The following MARCHF1 variants were observed in gnomAD, a reference collection of about 807,000 sequenced individuals.
MARCHF1 encodes the protein E3 ubiquitin-protein ligase MARCHF1.
MARCHF1 carries 40 observed loss-of-function variants against 54.2 expected under a neutral mutation model. The ratio of observed to expected loss-of-function variants is 0.74; its 90% CI spans 0.57 to 0.96. The LOEUF (loss-of-function observed/expected upper bound fraction) is 0.96, where lower values mean the gene tolerates loss of function less well. Among genes scored for constraint, MARCHF1 ranks in the 40% least tolerant of loss-of-function variants. The pLI is 0.00. For missense variants in MARCHF1, 586 were observed against 656.5 expected (o/e 0.89, Z 1.17); for synonymous variants, 236 against 236.3 (o/e 1.00, Z 0.01).
intron 5 of MARCHF1, among the ~76,000 whole-genome samples, chr4:163,679,979 GTT>G (rs11327231): frequency 0.49 from 68,250 of 139,426 alleles, 16,308 homozygotes; most frequent in Admixed American, 0.54. Context: ...CTTTTTATCT[GTT>G]TTTTTTTTTT....
intron 1 of MARCHF1, among the ~76,000 whole-genome samples, chr4:164,229,013 C>T (rs1211904410): frequency 1.3e-5 from 2 of 152,202 alleles, no homozygotes; most frequent in African/African-American, 2.4e-5. Flanking sequence ...TCTGTATTAG[C>T]GAAAATTGGA....
At chr4:163,695,504 G>A (rs557631476) in intron 5 of MARCHF1, among the ~76,000 whole-genome samples, 93 of 152,174 alleles carry the variant, frequency 6.1e-4, no homozygotes, top group African/African-American at 2.1e-3. Context: ...GATATTTTAA[G>A]GTAGAGACTA....
chr4:164,166,712 C>T (rs886311419), intron 1 of MARCHF1, among the ~76,000 whole-genome samples: 1 of 151,688 alleles, frequency 6.6e-6, no homozygotes. Context: ...AAAATTATTT[C>T]TATTTACAGA....
intron 1 of MARCHF1, among the ~76,000 whole-genome samples, chr4:164,340,366 G>A (rs909586872): frequency 2.6e-4 from 35 of 136,034 alleles, no homozygotes; most frequent in Middle Eastern, 8.0e-3. Context: ...TCAGCCCCCC[G>A]AGTAGCTGAG....
At chr4:164,140,118 G>A (rs560241724) in intron 1 of MARCHF1, among the ~76,000 whole-genome samples, 27 of 151,428 alleles carry the variant, frequency 1.8e-4, no homozygotes, top group African/African-American at 5.3e-4. Context: ...CTCTATATAC[G>A]AGGTAAAACA....
chr4:164,298,146 G>A (rs1438688515), intron 1 of MARCHF1, among the ~76,000 whole-genome samples: 1 of 152,000 alleles, frequency 6.6e-6, no homozygotes, highest in Non-Finnish European at 1.5e-5. Flanking sequence ...AAAAGCATTT[G>A]GATATTTCAG....
chr4:163,938,789 C>T (rs1251376049), intron 3 of MARCHF1, among the ~76,000 whole-genome samples: 1 of 152,058 alleles, frequency 6.6e-6, no homozygotes, highest in Non-Finnish European at 1.5e-5. Flanking sequence ...TATATTGTGG[C>T]AGCAAGGAGA....
At chr4:164,093,341 C>A (rs1335035502) in intron 2 of MARCHF1, among the ~76,000 whole-genome samples, 2 of 152,100 alleles carry the variant, frequency 1.3e-5, no homozygotes, top group Non-Finnish European at 2.9e-5. Flanking sequence ...AGATACTCTT[C>A]ATTTTTATAA....
chr4:163,749,021 C>T (rs897665088), intron 4 of MARCHF1, among the ~76,000 whole-genome samples: 6 of 151,974 alleles, frequency 3.9e-5, no homozygotes, highest in African/African-American at 9.7e-5. Context: ...TGGTAATATT[C>T]CTTTTCTTTA....
chr4:163,800,572 T>C (rs910817402), intron 4 of MARCHF1, among the ~76,000 whole-genome samples: 3 of 152,060 alleles, frequency 2.0e-5, no homozygotes, highest in African/African-American at 4.8e-5. Flanking sequence ...AGAATTCTGA[T>C]GACAATAAAA....
chr4:163,782,105 T>G (rs1348472255), intron 4 of MARCHF1, among the ~76,000 whole-genome samples: 1 of 102,748 alleles, frequency 9.7e-6, no homozygotes, highest in Non-Finnish European at 2.2e-5. Context: ...AGGGATATAT[T>G]TAACTGCCCA....
At position 164,320,044 on chromosome 4, in the gene MARCHF1, T is replaced by C. The variant is rs1022192902; in HGVS notation, c.-323+63826A>G. Among the ~76,000 whole-genome samples the C allele has an allele frequency of 7.9e-5, 12 of 152,260 alleles. No individual in the cohort carries two copies. In the East Asian group the frequency reaches 2.3e-3, roughly 29 times the overall value. On this transcript the variant is annotated intron_variant, in intron 1 of 9. Coordinates refer to ENST00000514618, the MANE Select transcript of MARCHF1 (RefSeq NM_001394959.1). ...TTATGCTTTATGCAGACAAGAACAA[T>C]CTCTATCATATGTTTTTCACACATC...
chr4:163,863,258 A>T (rs2111196352), intron 3 of MARCHF1, among the ~76,000 whole-genome samples: 1 of 152,206 alleles, frequency 6.6e-6, no homozygotes, highest in South Asian at 2.1e-4. Context: ...CTCACTGAAG[A>T]TGGTGAGGGA....
intron 2 of MARCHF1, among the ~76,000 whole-genome samples, chr4:164,088,709 G>A (rs1203662371): frequency 6.6e-6 from 1 of 151,960 alleles, no homozygotes; most frequent in African/African-American, 2.4e-5. Context: ...ACTGCACTCT[G>A]GCCTGGGAGA....
At chr4:163,770,388 C>T (rs1201368650) in intron 4 of MARCHF1, among the ~76,000 whole-genome samples, 3 of 151,926 alleles carry the variant, frequency 2.0e-5, no homozygotes, top group Non-Finnish European at 4.4e-5. Context: ...TTGAAGATAC[C>T]CACAGATACA....
At chr4:164,178,136 A>C (rs551639299) in intron 1 of MARCHF1, among the ~76,000 whole-genome samples, 19 of 152,222 alleles carry the variant, frequency 1.2e-4, no homozygotes, top group African/African-American at 4.6e-4. Flanking sequence ...AAAACAGTAC[A>C]TATATCTAAA....
chr4:164,296,573 T>A (rs1239025832), intron 1 of MARCHF1, among the ~76,000 whole-genome samples: 2 of 152,126 alleles, frequency 1.3e-5, no homozygotes, highest in Admixed American at 1.3e-4. Context: ...TTTCACCATG[T>A]TGGCCAGGCT....
chr4:164,203,490 G>A lies in MARCHF1; in HGVS notation c.-322-91828C>T, dbSNP rs550330884. ...TCTTGTTCCTTCTTACTCCATGGAA[G>A]ATAGTCTTTTGTTCGATTGCAGTCT... On this transcript the variant is annotated intron_variant, in intron 1 of 9. Transcript: ENST00000514618. Among the ~76,000 whole-genome samples, 4 of 152,272 alleles carry A rather than the reference G, an allele frequency of 2.6e-5. 1 individual carries two copies. The highest frequency in any genetic ancestry group is 9.6e-5 in the African/African-American group (4 of 41,570).
At chr4:164,197,346 G>C (rs1346241385) in intron 1 of MARCHF1, 7 of 1,612,612 alleles carry the variant, frequency 4.3e-6, no homozygotes, top group African/African-American at 1.3e-5. Flanking sequence ...CGTTCAGGTT[G>C]GTTACCTCGC....
Sources: allele counts gnomAD v4.1 joint callset (sites outside exome capture counted in the v4.1 genomes callset), GRCh38; gene constraint gnomAD v4.1.1; transcripts MANE v1.5; gene names NCBI Gene and HGNC (gene_info 2026-07-23, HGNC 2026-07-21).